Variants in FREM3 observed in about 807,000 individuals in gnomAD.
FREM3 encodes FRAS1-related extracellular matrix protein 3.
In FREM3, 105 loss-of-function variants were observed where a neutral mutation model predicts 129.1. That is an observed-to-expected ratio of 0.81 (90% CI 0.69 to 0.96). FREM3 has a LOEUF of 0.96. FREM3 is among the 40% of genes least tolerant of loss of function. The probability of loss-of-function intolerance (pLI) is 0.00; values close to 1 mark genes in which losing one functional copy is unlikely to be tolerated. For missense variants in FREM3, 2,593 were observed against 2,666.3 expected (o/e 0.97, Z 0.61); for synonymous variants, 1,014 against 1,044.9 (o/e 0.97, Z 0.57).
chr4:143,668,547 T>C (rs1269369823), intron 2 of FREM3, among the ~76,000 whole-genome samples: 1 of 152,250 alleles, frequency 6.6e-6, no homozygotes, highest in Non-Finnish European at 1.5e-5. Context: ...GTTGGCTTGT[T>C]TGGCTTCAAT....
chr4:143,679,887 T>C (rs1308393649), intron 2 of FREM3, among the ~76,000 whole-genome samples: 1 of 152,200 alleles, frequency 6.6e-6, no homozygotes, highest in Non-Finnish European at 1.5e-5. Context: ...CTGCCTGAGA[T>C]AAATCGCCCT....
intron 2 of FREM3, among the ~76,000 whole-genome samples, chr4:143,672,340 T>C (rs1212049315): frequency 6.6e-6 from 1 of 152,212 alleles, no homozygotes; most frequent in Non-Finnish European, 1.5e-5. Context: ...TGGTTGTTTC[T>C]TTGCTCATAC....
intron 2 of FREM3, among the ~76,000 whole-genome samples, chr4:143,644,177 ATGTGTGTG>A (rs10578943): frequency 2.0e-5 from 3 of 149,228 alleles, no homozygotes; most frequent in East Asian, 4.0e-4. Context: ...TGCTCTGCAT[ATGTGTGTG>A]TGTGTGTGTG....
At chr4:143,660,669 T>C (rs1226176139) in intron 2 of FREM3, among the ~76,000 whole-genome samples, 1 of 152,182 alleles carries the variant, frequency 6.6e-6, no homozygotes, top group African/African-American at 2.4e-5. Context: ...ATAAATTACC[T>C]TGGGCAGTAT....
At chr4:143,594,177 G>A (rs751428506) in intron 6 of FREM3, among the ~76,000 whole-genome samples, 6 of 152,288 alleles carry the variant, frequency 3.9e-5, no homozygotes, top group South Asian at 2.1e-4. Flanking sequence ...TGTGCTTCCC[G>A]GGTGAGGCGA....
intron 2 of FREM3, among the ~76,000 whole-genome samples, chr4:143,680,230 A>ATG (rs997788231): frequency 1.3e-5 from 2 of 150,606 alleles, no homozygotes; most frequent in Non-Finnish European, 2.9e-5. Flanking sequence ...ATATATATAT[A>ATG]TGTATATATG....
At chr4:143,639,941 C>T (rs1739295080) in intron 2 of FREM3, among the ~76,000 whole-genome samples, 1 of 152,138 alleles carries the variant, frequency 6.6e-6, no homozygotes, top group Non-Finnish European at 1.5e-5. Context: ...AGGCAAAGCT[C>T]TCTACAGTCT....
intron 2 of FREM3, among the ~76,000 whole-genome samples, chr4:143,641,949 A>G (rs893637214): frequency 6.6e-6 from 1 of 152,194 alleles, no homozygotes; most frequent in Admixed American, 6.5e-5. Context: ...ATGATGCTGT[A>G]TAGAGAGGAA....
Position 143,697,457 on chromosome 4 carries a change from G to A in FREM3, c.3219C>T (p.Phe1073=), listed in dbSNP as rs1034494. ...LPVDNVGPKV[F]VGESFIVYEG... is the part of the protein sequence containing the mutation. ...CATAGACAATGAAGGACTCCCCGAC[G>A]AAGACCTTGGGTCCCACATTGTCCA... The change falls in exon 1 of 8, where the codon TTC becomes TTT. Residue 1073 remains phenylalanine (F), a synonymous_variant. Transcript: ENST00000329798. The A allele has an allele frequency of 6.5e-7, 1 of 1,537,264 alleles. No homozygotes were observed. Among genetic ancestry groups the A allele is most frequent in the Non-Finnish European group, 8.7e-7 (1 of 1,146,922 alleles).
Position 143,699,340 on chromosome 4 carries a change from C to T in FREM3, c.1336G>A (p.Gly446Ser). The T allele has an allele frequency of 3.9e-6, 6 of 1,537,326 alleles. No homozygotes were observed. The highest frequency in any genetic ancestry group is 4.4e-6 in the Non-Finnish European group (5 of 1,146,924). Residue 446 changes from glycine to serine, a missense_variant, in exon 1 of 8, where the codon GGT becomes AGT. Physicochemically the swap from Gly to Ser is moderately conservative, Grantham distance 56 (BLOSUM62 0). This residue lies in a region of FREM3 where 2,276 missense variants were observed against 2,267.2 expected (regional missense o/e 1.00). Transcript: ENST00000329798. The surrounding 1 kb of genome is among the most constrained non-coding windows in gnomAD (Gnocchi z 4.2). ...GTGCTGGACAAGGGCCTTGACTGAC[C>T]TTCAAAAAGCACAAGTCCCCTGTTA... Reference protein sequence around the residue: ...SHNRGLVLFEGQSRPLSSTHS... With the variant: ...SHNRGLVLFESQSRPLSSTHS...
At chr4:143,628,167 A>G (rs1361847929) in intron 2 of FREM3, among the ~76,000 whole-genome samples, 2 of 152,084 alleles carry the variant, frequency 1.3e-5, no homozygotes, top group Admixed American at 6.6e-5. Flanking sequence ...TTATTTGAGC[A>G]TCCATTTGAT....
At chr4:143,687,073 A>C (rs1740383476) in intron 2 of FREM3, among the ~76,000 whole-genome samples, 1 of 152,168 alleles carries the variant, frequency 6.6e-6, no homozygotes, top group African/African-American at 2.4e-5. Context: ...TATCTTTGAA[A>C]AGATAAATAA....
intron 2 of FREM3, among the ~76,000 whole-genome samples, chr4:143,644,282 A>T (rs1739376223): frequency 6.6e-6 from 1 of 152,036 alleles, no homozygotes; most frequent in Non-Finnish European, 1.5e-5. Flanking sequence ...GTGTATCTGC[A>T]TCATCTTCCT....
At chr4:143,635,018 A>G (rs1460654811) in intron 2 of FREM3, among the ~76,000 whole-genome samples, 1 of 152,060 alleles carries the variant, frequency 6.6e-6, no homozygotes, top group African/African-American at 2.4e-5. Context: ...TGTGTGTGAG[A>G]GGTGGTTTAC....
intron 7 of FREM3, among the ~76,000 whole-genome samples, chr4:143,581,497 C>T (rs1307124755): frequency 6.6e-6 from 1 of 152,092 alleles, no homozygotes; most frequent in Non-Finnish European, 1.5e-5. Context: ...GTTGCCCTGC[C>T]CCTGGCTGAG....
chr4:143,596,916 G>T (rs1371242428), intron 6 of FREM3, among the ~76,000 whole-genome samples: 1 of 152,086 alleles, frequency 6.6e-6, no homozygotes, highest in South Asian at 2.1e-4. Context: ...GCAGTCTGAG[G>T]AAAAGAGTGA....
At chr4:143,619,365 G>A (rs180874920) in intron 5 of FREM3, among the ~76,000 whole-genome samples, 15 of 152,206 alleles carry the variant, frequency 9.9e-5, no homozygotes, top group Admixed American at 9.8e-4. Context: ...ATCTTTGTAT[G>A]GCAGCCTTGT....
intron 5 of FREM3, among the ~76,000 whole-genome samples, chr4:143,614,991 T>C (rs1738820122): frequency 6.6e-6 from 1 of 152,202 alleles, no homozygotes; most frequent in African/African-American, 2.4e-5. Context: ...TTTGTGAAGT[T>C]ACTTTAAAAA....
At chr4:143,595,232 C>T (rs1401383975) in intron 6 of FREM3, among the ~76,000 whole-genome samples, 2 of 152,114 alleles carry the variant, frequency 1.3e-5, no homozygotes, top group Non-Finnish European at 2.9e-5. Flanking sequence ...TTCCAGTTGT[C>T]TCAGGATAGA....
Sources: gnomAD v4.1 joint callset for allele counts (sites outside exome capture counted in the v4.1 genomes callset) on GRCh38, gnomAD v4.1.1 for gene constraint, gnomAD v4.1.1 regional missense constraint, Gnocchi (gnomAD v3.1) non-coding constraint, MANE v1.5 for transcripts, NCBI Gene and HGNC (gene_info 2026-07-23, HGNC 2026-07-21) for gene names.